CDH12: variants seen among roughly 807,000 people sequenced by gnomAD.
CDH12 encodes cadherin 12.
A neutral mutation model predicts 74.1 loss-of-function variants in CDH12; 41 were observed. The ratio of observed to expected loss-of-function variants is 0.55; its 90% confidence interval spans 0.43 to 0.72. CDH12 has a LOEUF of 0.72. CDH12 is among the 30% of genes least tolerant of loss of function. CDH12 has a pLI of 0.00. For missense variants in CDH12, 945 were observed against 977.2 expected (o/e 0.97, Z 0.44); for synonymous variants, 399 against 355.0 (o/e 1.12, Z -1.39).
At chr5:22,262,269 T>A (rs28526104) in intron 3 of CDH12, among the ~76,000 whole-genome samples, 2 of 75,748 alleles carry the variant, frequency 2.6e-5, no homozygotes, top group African/African-American at 5.3e-5. Context: ...CCCTCCCCCC[T>A]CCCCCCACCC....
chr5:22,153,606 T>A (rs1171131323), intron 4 of CDH12, among the ~76,000 whole-genome samples: 1 of 151,236 alleles, frequency 6.6e-6, no homozygotes, highest in South Asian at 2.1e-4. Context: ...AGTTTCTTTA[T>A]CTGTAAAGTG....
intron 1 of CDH12, among the ~76,000 whole-genome samples, chr5:22,715,587 A>G (rs444952): frequency 0.27 from 41,345 of 151,820 alleles, 5,738 homozygotes; most frequent in South Asian, 0.31. Flanking sequence ...GGTGGATCAC[A>G]AGGTCAGGAG....
chr5:22,295,637 C>T (rs2150416103), intron 3 of CDH12, among the ~76,000 whole-genome samples: 1 of 151,864 alleles, frequency 6.6e-6, no homozygotes, highest in African/African-American at 2.4e-5. Context: ...ATATGTGTTA[C>T]ATCTACACAT....
intron 5 of CDH12, among the ~76,000 whole-genome samples, chr5:22,032,915 C>G (rs1738921681): frequency 1.3e-5 from 2 of 150,728 alleles, no homozygotes; most frequent in Admixed American, 1.3e-4. Flanking sequence ...GATACCTAGC[C>G]TTGTCATGGT....
chr5:22,436,020 T>C (rs1580647587), intron 2 of CDH12, among the ~76,000 whole-genome samples: 1 of 151,584 alleles, frequency 6.6e-6, no homozygotes, highest in South Asian at 2.1e-4. Context: ...AATCAACCCA[T>C]ATGTCCAACA....
chr5:21,943,280 T>C (rs1411197368), intron 6 of CDH12, among the ~76,000 whole-genome samples: 3 of 152,194 alleles, frequency 2.0e-5, no homozygotes, highest in Non-Finnish European at 4.4e-5. Flanking sequence ...TTATATAAGA[T>C]ATACTTGTTT....
intron 2 of CDH12, among the ~76,000 whole-genome samples, chr5:22,481,251 G>T (rs1040506067): frequency 1.3e-5 from 2 of 152,186 alleles, no homozygotes; most frequent in African/African-American, 4.8e-5. Context: ...CTGTTGATGG[G>T]AATGTAAAAT....
At chr5:21,885,797 A>G (rs1440418153) in intron 6 of CDH12, among the ~76,000 whole-genome samples, 3 of 152,086 alleles carry the variant, frequency 2.0e-5, no homozygotes, top group African/African-American at 2.4e-5. Context: ...TGATATCAGT[A>G]TATTATTAAA....
intron 6 of CDH12, among the ~76,000 whole-genome samples, chr5:21,860,168 T>C (rs1750968419): frequency 6.6e-6 from 1 of 152,072 alleles, no homozygotes; most frequent in Non-Finnish European, 1.5e-5. Flanking sequence ...TTCTTTATTT[T>C]GTTAAGAATA....
intron 13 of CDH12, among the ~76,000 whole-genome samples, chr5:21,756,953 T>A (rs1446321650): frequency 6.6e-6 from 1 of 152,134 alleles, no homozygotes; most frequent in African/African-American, 2.4e-5. Flanking sequence ...AACAAATGGA[T>A]ATTAATTGAA....
At chr5:22,353,822 G>A (rs114512311) in intron 3 of CDH12, among the ~76,000 whole-genome samples, 225 of 152,188 alleles carry the variant, frequency 1.5e-3, no homozygotes, top group African/African-American at 5.2e-3. Context: ...AGTGATGTGC[G>A]TTTAAACTAC....
chr5:22,136,974 C>A (rs936788203), intron 4 of CDH12, among the ~76,000 whole-genome samples: 1 of 151,146 alleles, frequency 6.6e-6, no homozygotes, highest in Non-Finnish European at 1.5e-5. Context: ...TAGCAAATAA[C>A]CAAACATGAG....
At chr5:21,984,790 T>G (rs1290454846) in intron 5 of CDH12, among the ~76,000 whole-genome samples, 4 of 152,200 alleles carry the variant, frequency 2.6e-5, no homozygotes, top group African/African-American at 9.6e-5. Flanking sequence ...TGAAAATCTA[T>G]ATTCTCAAAA....
At chr5:22,117,479 T>A (rs9717105) in intron 4 of CDH12, among the ~76,000 whole-genome samples, 703 of 54,896 alleles carry the variant, frequency 0.013, 14 homozygotes, top group Middle Eastern at 0.029. Context: ...ATATATATAT[T>A]ATATATATAT....
At chr5:22,456,107 T>TTATATATATATATA (rs36020133) in intron 2 of CDH12, among the ~76,000 whole-genome samples, 15 of 147,884 alleles carry the variant, frequency 1.0e-4, no homozygotes, top group African/African-American at 3.3e-4. Context: ...CATGTGGATA[T>TTATATATATATATA]TATATATATA....
At chr5:22,557,797 T>A (rs753976664) in intron 1 of CDH12, among the ~76,000 whole-genome samples, 1 of 152,142 alleles carries the variant, frequency 6.6e-6, no homozygotes, top group African/African-American at 2.4e-5. Flanking sequence ...CTGACTAATC[T>A]AATTAGTCAT....
At chr5:22,387,864 T>C (rs1479735126) in intron 3 of CDH12, among the ~76,000 whole-genome samples, 1 of 152,158 alleles carries the variant, frequency 6.6e-6, no homozygotes, top group Non-Finnish European at 1.5e-5. Context: ...TTATGTTTTA[T>C]AATAGGCATG....
chr5:22,153,715 A>G (rs867762404), intron 4 of CDH12, among the ~76,000 whole-genome samples: 15 of 148,962 alleles, frequency 1.0e-4, no homozygotes, highest in Admixed American at 1.4e-4. Flanking sequence ...TGAACATTCA[A>G]TATATACATT....
At chr5:21,814,232 T>C (rs1747919970) in intron 9 of CDH12, among the ~76,000 whole-genome samples, 1 of 151,890 alleles carries the variant, frequency 6.6e-6, no homozygotes, top group Non-Finnish European at 1.5e-5. Flanking sequence ...TATCTAAATC[T>C]ATTTTAATAA....
Sources: gnomAD v4.1 joint callset for allele counts (sites outside exome capture counted in the v4.1 genomes callset) on GRCh38, gnomAD v4.1.1 for gene constraint, MANE v1.5 for transcripts, NCBI Gene and HGNC (gene_info 2026-07-23, HGNC 2026-07-21) for gene names.